Variants in NAALAD2 observed in about 807,000 individuals in gnomAD.
NAALAD2 encodes the protein N-acetylated-alpha-linked acidic dipeptidase 2.
A neutral mutation model predicts 95.6 loss-of-function variants in NAALAD2; 89 were observed. The ratio of observed to expected loss-of-function variants is 0.93; its 90% CI spans 0.78 to 1.11. The LOEUF is 1.11. Ranked by LOEUF, NAALAD2 falls within the 50% of genes least tolerant of loss-of-function variation. NAALAD2 has a pLI of 0.00. For synonymous variants in NAALAD2, 264 were observed against 294.4 expected, an observed-to-expected ratio of 0.90 and a Z score of 1.06; for missense variants, 894 against 872.4, an observed-to-expected ratio of 1.02 and a Z score of -0.31.
Position 90,170,104 on chromosome 11 carries a change from C to G in NAALAD2, c.1378C>G (p.Leu460Val). 1 of 1,593,180 alleles carries G rather than the reference C, an allele frequency of 6.3e-7. No homozygotes were observed. Among genetic ancestry groups the G allele is most frequent in the Non-Finnish European group, 8.6e-7 (1 of 1,161,204 alleles). The stretch of plus-strand genomic sequence containing the variant: ...TCTCAGAGTTGACTGTACTCCCCTT[C>G]TTTACCAATTAGTGTATAAACTGAC... ...YTLRVDCTPL[L>V]YQLVYKLTKE... Residue 460 changes from leucine to valine, a missense_variant, in exon 13 of 19, where the codon CTT (leucine) becomes GTT (valine). Physicochemically the swap from Leu to Val is conservative, Grantham distance 32 (BLOSUM62 1). Transcript: ENST00000534061.
chr11:90,146,805 A>G (rs1457223666), intron 2 of NAALAD2, among the ~76,000 whole-genome samples: 1 of 152,168 alleles, frequency 6.6e-6, no homozygotes, highest in Non-Finnish European at 1.5e-5. Context: ...AAGCCTGTAC[A>G]TTTTGGGTAA....
rs774686990 is a variant in NAALAD2, at chr11:90,159,288, A to AAT, written c.941_942dup (p.Val315MetfsTer2). 2 of 1,613,756 alleles carry AAT rather than the reference A, an allele frequency of 1.2e-6. No homozygotes were observed. The highest frequency in any genetic ancestry group is 2.7e-5 in the African/African-American group (2 of 74,904). On this transcript the variant is annotated frameshift_variant, in exon 8 of 19. Coordinates refer to ENST00000534061, the MANE Select transcript of NAALAD2 (RefSeq NM_005467.4). LOFTEE classifies it high-confidence loss of function. ...AGATAAGAGTTGGAAGGGAGCCCTT[A>AAT]ATGTGAGTTATAGTATCGGACCTGG... is the stretch of plus-strand genomic sequence containing the variant.
At chr11:90,151,272 G>A (rs112712343) in intron 5 of NAALAD2, among the ~76,000 whole-genome samples, 2,090 of 152,234 alleles carry the variant, frequency 0.014, 53 homozygotes, top group African/African-American at 0.048. Context: ...CTTATTGAAT[G>A]ACTTTGTTTG....
At chr11:90,132,515 T>C (rs1170093776), upstream of NAALAD2, among the ~76,000 whole-genome samples, 1 of 152,130 alleles carries the variant, frequency 6.6e-6, no homozygotes, top group Non-Finnish European at 1.5e-5. Flanking sequence ...AGTCTAAAAA[T>C]TGACAAATTA....
At chr11:90,146,117 TC>T in intron 2 of NAALAD2, among the ~76,000 whole-genome samples, 1 of 152,068 alleles carries the variant, frequency 6.6e-6, no homozygotes, top group Non-Finnish European at 1.5e-5. Context: ...AGTCACTCTG[TC>T]AGTCTCCTCA....
chr11:90,168,883 A>T (rs377623872), intron 11 of NAALAD2, 46 bp from the exon 12 acceptor site: 1 of 1,450,080 alleles, frequency 6.9e-7, no homozygotes, highest in Non-Finnish European at 9.5e-7. Flanking sequence ...TTACATTTTC[A>T]CAACTAAGTA....
At chr11:90,152,263 A>G in intron 5 of NAALAD2, 35 bp from the exon 6 acceptor site, 1 of 1,534,740 alleles carries the variant, frequency 6.5e-7, no homozygotes, top group Non-Finnish European at 8.9e-7. Context: ...ACCATTTGCC[A>G]TATCTGCATT....
chr11:90,169,249 A>G, intron 12 of NAALAD2: 1 of 301,724 alleles, frequency 3.3e-6, no homozygotes, highest in African/African-American at 2.2e-5. Context: ...TATATTTACT[A>G]TTTGTTTATA....
At chr11:90,168,900 A>C in intron 11 of NAALAD2, 29 bp from the exon 12 acceptor site, 1 of 1,560,430 alleles carries the variant, frequency 6.4e-7, no homozygotes. Context: ...AGTAATGTGA[A>C]TTAAGTAACA....
intron 6 of NAALAD2, among the ~76,000 whole-genome samples, chr11:90,155,498 T>C (rs1271580813): frequency 8.8e-6 from 1 of 113,714 alleles, no homozygotes; most frequent in African/African-American, 3.7e-5. Context: ...TATAATATAT[T>C]ATATATAATT....
chr11:90,168,123 C>CT (rs1209345730), intron 11 of NAALAD2, among the ~76,000 whole-genome samples: 1 of 151,974 alleles, frequency 6.6e-6, no homozygotes, highest in African/African-American at 2.4e-5. Context: ...ACTACGAACC[C>CT]ACCAGGAGGA....
intron 13 of NAALAD2, 108 bp from the exon 14 acceptor site, chr11:90,173,716 C>T (rs149406657): frequency 0.015 from 10,272 of 701,272 alleles, 136 homozygotes; most frequent in Non-Finnish European, 0.02. Flanking sequence ...TATACATGTA[C>T]ATATGTTATT....
intron 2 of NAALAD2, among the ~76,000 whole-genome samples, chr11:90,141,200 T>C (rs1354919439): frequency 6.6e-6 from 1 of 152,182 alleles, no homozygotes; most frequent in South Asian, 2.1e-4. Context: ...ACTATTATTG[T>C]AGCTATACTA....
rs1199147990 is a variant in NAALAD2 at position 90,147,431 on chromosome 11, A to G, written c.296A>G (p.Lys99Arg). The G allele has an allele frequency of 1.2e-6, 2 of 1,614,074 alleles. No individual in the cohort carries two copies. The change falls in exon 3 of 19, where the codon AAG (lysine) becomes AGG (arginine). Residue 99 changes from lysine to arginine, a missense_variant. By Grantham distance (26) the Lys-to-Arg change is conservative. Transcript: ENST00000534061. Reference sequence around the variant, plus strand: ...AAGAAATTTGGACTAGATTCAGCCAAGTTGGTTCATTATGATGTCCTCTTA... The same window carrying G: ...AAGAAATTTGGACTAGATTCAGCCAGGTTGGTTCATTATGATGTCCTCTTA... The part of the protein sequence containing the change: ...QWKKFGLDSA[K>R]LVHYDVLLSY...
chr11:90,183,816 G>C (rs372230097), intron 18 of NAALAD2, among the ~76,000 whole-genome samples: 52 of 152,266 alleles, frequency 3.4e-4, no homozygotes, highest in African/African-American at 1.1e-3. Flanking sequence ...TTGTTGGTAG[G>C]TTAGGTATAT....
intron 16 of NAALAD2, among the ~76,000 whole-genome samples, chr11:90,180,058 G>A (rs1353525739): frequency 7.0e-6 from 1 of 143,562 alleles, no homozygotes; most frequent in Non-Finnish European, 1.5e-5. Context: ...AGGAATGAAG[G>A]TATAATTGAT....
chr11:90,148,207 G>T (rs1402277749), intron 3 of NAALAD2, among the ~76,000 whole-genome samples: 1 of 152,116 alleles, frequency 6.6e-6, no homozygotes, highest in Non-Finnish European at 1.5e-5. Flanking sequence ...CTAAGCAACG[G>T]GTTAAAGTTG....
chr11:90,154,912 A>AATATGTATATATGTG (rs71472282), intron 6 of NAALAD2, among the ~76,000 whole-genome samples: 11 of 102,878 alleles, frequency 1.1e-4, no homozygotes, highest in East Asian at 6.3e-4. Context: ...ACGTATACAT[A>AATATGTATATATGTG]TGTATATATT....
intron 13 of NAALAD2, among the ~76,000 whole-genome samples, chr11:90,170,705 TGAG>T (rs1178862853): frequency 2.6e-5 from 4 of 152,104 alleles, no homozygotes; most frequent in African/African-American, 9.7e-5. Flanking sequence ...TGGGGGAAGT[TGAG>T]GAGCATAAGA....
Sources: allele counts gnomAD v4.1 joint callset (sites outside exome capture counted in the v4.1 genomes callset), GRCh38; gene constraint gnomAD v4.1.1; transcripts MANE v1.5; gene names NCBI Gene and HGNC (gene_info 2026-07-23, HGNC 2026-07-21).